SLC35A3: variants seen among roughly 807,000 people sequenced by gnomAD.
The protein encoded by SLC35A3 is solute carrier family 35 member A3.
SLC35A3 carries 26 observed loss-of-function variants against 39.0 expected under a neutral mutation model. The ratio of observed to expected loss-of-function variants is 0.67; its 90% confidence interval spans 0.49 to 0.92. The LOEUF is 0.92. SLC35A3 is among the 40% of genes least tolerant of loss of function. The pLI is 0.00. For synonymous variants in SLC35A3, 135 were observed against 133.1 expected (o/e 1.01, Z -0.10); for missense variants, 299 against 371.6 (o/e 0.80, Z 1.61).
chr1:99,995,170 C>T (rs7554748), intron 2 of SLC35A3, among the ~76,000 whole-genome samples: 7 of 91,936 alleles, frequency 7.6e-5, no homozygotes, highest in Admixed American at 5.5e-4. Flanking sequence ...CTTTTTTTTT[C>T]GAGACTGAGT....
intron 4 of SLC35A3, chr1:100,008,301 A>C (rs1659386988): frequency 6.6e-6 from 1 of 152,164 alleles, no homozygotes; most frequent in South Asian, 2.1e-4. Flanking sequence ...TTTAAGTGGC[A>C]TATCAAATTC....
rs1344580527 is a variant in SLC35A3, at chr1:100,031,311, A to G, written c.*8835A>G. 1 of 152,206 alleles carries G rather than the reference A, an allele frequency of 6.6e-6. No individual in the cohort carries two copies. The highest frequency in any genetic ancestry group is 2.4e-5 in the African/African-American group (1 of 41,436). 9.4% of individuals were successfully genotyped at this position (152,206 alleles called of 1,614,324 possible). On this transcript the variant is annotated 3_prime_UTR_variant, in exon 8 of 8. Transcript: ENST00000533028. ...GGTATACCACCTAAATCCAACCATT[A>G]TTAACATTTTGCCACACTAGCTTTA...
At chr1:99,980,223 A>T (rs1250262050) in intron 1 of SLC35A3, among the ~76,000 whole-genome samples, 1 of 152,100 alleles carries the variant, frequency 6.6e-6, no homozygotes, top group Non-Finnish European at 1.5e-5. Context: ...TAGTGCCTGT[A>T]GACCCTACCT....
At chr1:100,006,919 AGAT>A (rs1659271776) in intron 3 of SLC35A3, 112 bp from the exon 4 acceptor site, 7 of 1,217,534 alleles carry the variant, frequency 5.7e-6, no homozygotes, top group Non-Finnish European at 7.7e-6. Flanking sequence ...GTTCCCAGCC[AGAT>A]GCAACCACCA....
At chr1:100,017,654 T>C in intron 6 of SLC35A3, 28 bp from the exon 7 acceptor site, 4 of 1,451,694 alleles carry the variant, frequency 2.8e-6, no homozygotes, top group Non-Finnish European at 2.8e-6. Flanking sequence ...ACATGTGTGT[T>C]TTAAAAAATA....
At position 100,022,552 on chromosome 1, in the gene SLC35A3, T is replaced by C; in HGVS notation, c.*76T>C. The C allele has an allele frequency of 1.4e-6, 1 of 734,418 alleles. No homozygotes were observed. Among genetic ancestry groups the C allele is most frequent in the Non-Finnish European group, 2.3e-6 (1 of 429,526 alleles). 45.5% of individuals were successfully genotyped at this position (734,418 alleles called of 1,614,324 possible). A position where few individuals can be genotyped will look rare whatever the true frequency, so the allele number is the denominator to read the frequency against. ...ACATTAATCTTGCACAGAGGACTTC[T>C]ACAGAGTCTGAGAAGATATCATCAT... is the stretch of plus-strand genomic sequence containing the variant. On this transcript the variant is annotated 3_prime_UTR_variant, in exon 8 of 8. Transcript: ENST00000533028.
rs1332838380 is a variant in SLC35A3 at position 100,028,199 on chromosome 1, A to G, written c.*5723A>G. The G allele has an allele frequency of 6.6e-6, 1 of 152,396 alleles. No homozygotes were observed. The highest frequency in any genetic ancestry group is 2.1e-4 in the South Asian group (1 of 4,832). The allele number at this position is 152,396 out of a possible 1,614,324, so 9.4% of individuals were successfully genotyped here. ...GGTGATCCGCCTGCCTCGGCCTCCC[A>G]AAGTGCTGGGTTTACAGGCGTGAGC... On this transcript the variant is annotated 3_prime_UTR_variant, in exon 8 of 8. Transcript: ENST00000533028.
chr1:99,988,798 C>T (rs1163288842), intron 1 of SLC35A3, among the ~76,000 whole-genome samples: 1 of 151,634 alleles, frequency 6.6e-6, no homozygotes, highest in Non-Finnish European at 1.5e-5. Context: ...GAGGGTCTTG[C>T]TCTGTTGCCC....
intron 2 of SLC35A3, 95 bp downstream of exon 2, chr1:99,993,836 A>G (rs1273726013): frequency 3.9e-6 from 4 of 1,024,518 alleles, no homozygotes; most frequent in Admixed American, 2.4e-5. Context: ...GCATTGTCGA[A>G]TGGCCTAGTA....
chr1:100,007,038 C>G lies in SLC35A3; in HGVS notation c.347C>G (p.Thr116Arg). The stretch of plus-strand genomic sequence containing the variant: ...TATTACTGTTTTCTTTTTCAGGTCA[C>G]GTATCAGTTAAAAATTCTTACAACA... ...SNLDAATYQV[T>R]YQLKILTTAL... The change falls in exon 4 of 8, where the codon ACG (threonine) becomes AGG (arginine). Residue 116 changes from threonine to arginine, a missense_variant. Transcript: ENST00000533028. The G allele has an allele frequency of 6.2e-7, 1 of 1,604,598 alleles. No homozygotes were observed. The highest frequency in any genetic ancestry group is 2.2e-5 in the East Asian group (1 of 44,696).
intron 3 of SLC35A3, among the ~76,000 whole-genome samples, chr1:100,004,540 G>C (rs1376226703): frequency 6.6e-6 from 1 of 152,056 alleles, no homozygotes; most frequent in Non-Finnish European, 1.5e-5. Flanking sequence ...GAGCTCAAGA[G>C]ATCTGCCCGC....
chr1:100,023,307 A>C lies in SLC35A3; in HGVS notation c.*831A>C, dbSNP rs1177996030. On this transcript the variant is annotated 3_prime_UTR_variant, in exon 8 of 8. Transcript: ENST00000533028. ...TAAAATTTGTGTGTAATTGCCATTAAATTTTCAAAATGTAATTTAAAAGGA... is the reference window on the plus strand; with the variant it reads ...TAAAATTTGTGTGTAATTGCCATTACATTTTCAAAATGTAATTTAAAAGGA... 6.6e-6 allele frequency: 1 copy of C among 152,138 alleles called. No individual in the cohort carries two copies. Among genetic ancestry groups the C allele is most frequent in the Admixed American group, 6.5e-5 (1 of 15,272 alleles). The allele number at this position is 152,138 out of a possible 1,614,324, so 9.4% of individuals were successfully genotyped here.
intron 1 of SLC35A3, among the ~76,000 whole-genome samples, chr1:99,987,200 A>G (rs1405887516): frequency 3.9e-5 from 6 of 152,206 alleles, no homozygotes; most frequent in African/African-American, 1.2e-4. Flanking sequence ...CTACTTCTCT[A>G]TTCACTATTT....
intron 7 of SLC35A3, among the ~76,000 whole-genome samples, chr1:100,019,607 T>C (rs1411656669): frequency 1.3e-5 from 2 of 152,226 alleles, no homozygotes; most frequent in Admixed American, 1.3e-4. Context: ...TATTTGCCTT[T>C]AGCCTCATTC....
rs1209937432 is a variant in SLC35A3, at chr1:100,033,226, G to A, written c.*10750G>A. 2 of 151,652 alleles carry A rather than the reference G, an allele frequency of 1.3e-5. No homozygotes were observed. Among genetic ancestry groups the A allele is most frequent in the African/African-American group, 4.8e-5 (2 of 41,250 alleles). 9.4% of individuals were successfully genotyped at this position (151,652 alleles called of 1,614,324 possible). A position where few individuals can be genotyped will look rare whatever the true frequency, so the allele number is the denominator to read the frequency against. On this transcript the variant is annotated 3_prime_UTR_variant, in exon 8 of 8. Transcript: ENST00000533028. ...TTCCAGCACTTTGGGAGTCTGAGGT[G>A]GGAGGATCACTTAAGGCCAGGGGTT... is the stretch of plus-strand genomic sequence containing the variant.
intron 6 of SLC35A3, among the ~76,000 whole-genome samples, 157 bp from the exon 7 acceptor site, chr1:100,017,525 T>C (rs1344086419): frequency 6.6e-6 from 1 of 152,194 alleles, no homozygotes; most frequent in African/African-American, 2.4e-5. Context: ...ACAAAACCTG[T>C]AAGTCTATTC....
chr1:100,008,903 T>C (rs1345900653), intron 4 of SLC35A3: 2 of 152,264 alleles, frequency 1.3e-5, no homozygotes, highest in Admixed American at 6.5e-5. Context: ...TTCACCGCTC[T>C]TCCATTCATA....
At position 100,029,494 on chromosome 1, in the gene SLC35A3, G is replaced by C. The variant is rs942180773; in HGVS notation, c.*7018G>C. The C allele has an allele frequency of 7.0e-6, 1 of 142,852 alleles. No individual in the cohort carries two copies. Among genetic ancestry groups the C allele is most frequent in the Non-Finnish European group, 1.5e-5 (1 of 67,172 alleles). 8.8% of individuals were successfully genotyped at this position (142,852 alleles called of 1,614,324 possible). A position where few individuals can be genotyped will look rare whatever the true frequency, so the allele number is the denominator to read the frequency against. ...CACTCAGGCTGGAGTTCAGCGGCACGATCTCTGCTCACTGCAACCTCCGCC... is the reference window on the plus strand; with the variant it reads ...CACTCAGGCTGGAGTTCAGCGGCACCATCTCTGCTCACTGCAACCTCCGCC... On this transcript the variant is annotated 3_prime_UTR_variant, in exon 8 of 8. Transcript: ENST00000533028.
At chr1:99,996,604 G>C (rs1175815226) in intron 2 of SLC35A3, among the ~76,000 whole-genome samples, 1 of 152,146 alleles carries the variant, frequency 6.6e-6, no homozygotes, top group African/African-American at 2.4e-5. Context: ...AATCAGGTTT[G>C]GTGCACACCT....
Sources: allele counts gnomAD v4.1 joint callset (sites outside exome capture counted in the v4.1 genomes callset), GRCh38; gene constraint gnomAD v4.1.1; transcripts MANE v1.5; gene names NCBI Gene and HGNC (gene_info 2026-07-23, HGNC 2026-07-21).